The following UGT2A1 variants were observed in gnomAD, a reference collection of about 807,000 sequenced individuals.
UGT2A1 encodes UDP glucuronosyltransferase family 2 member A1 complex locus.
In UGT2A1, 61 loss-of-function variants were observed where a neutral mutation model predicts 45.4. The ratio of observed to expected loss-of-function variants is 1.34; its 90% CI spans 1.09 to 1.66. The LOEUF is 1.66. UGT2A1 is among the 40% of genes most tolerant of loss of function. The pLI is 0.00. For synonymous variants in UGT2A1, 229 were observed against 196.2 expected, an observed-to-expected ratio of 1.17 and a Z score of -1.40; for missense variants, 649 against 574.3, an observed-to-expected ratio of 1.13 and a Z score of -1.33.
At chr4:69,596,515 G>T in intron 4 of UGT2A1, 1 of 1,250,324 alleles carries the variant, frequency 8.0e-7, no homozygotes, top group Non-Finnish European at 1.0e-6. Context: ...CTGACATGTA[G>T]AAAGATCTAG....
chr4:69,616,487 C>T (rs1720392253), intron 3 of UGT2A1, among the ~76,000 whole-genome samples: 1 of 151,802 alleles, frequency 6.6e-6, no homozygotes, highest in Non-Finnish European at 1.5e-5. Flanking sequence ...GTCACATTTC[C>T]TGTAAATCGA....
At chr4:69,607,525 T>C (rs1256513694) in intron 3 of UGT2A1, among the ~76,000 whole-genome samples, 12 of 151,824 alleles carry the variant, frequency 7.9e-5, no homozygotes, top group Non-Finnish European at 1.8e-4. Context: ...ACTTCATGTC[T>C]AAAACACCAA....
intron 2 of UGT2A1, chr4:69,639,386 A>G: frequency 6.2e-7 from 1 of 1,613,622 alleles, no homozygotes; most frequent in Non-Finnish European, 8.5e-7. Flanking sequence ...TCTTGTAGGA[A>G]ACAGGTATCA....
intron 3 of UGT2A1, among the ~76,000 whole-genome samples, chr4:69,612,279 A>T (rs908526798): frequency 2.0e-5 from 3 of 152,090 alleles, no homozygotes; most frequent in African/African-American, 7.2e-5. Flanking sequence ...GAGTTGGAAG[A>T]TAGCTCATGA....
chr4:69,620,739 C>T (rs1720702497), intron 3 of UGT2A1, among the ~76,000 whole-genome samples: 1 of 149,856 alleles, frequency 6.7e-6, no homozygotes, highest in Non-Finnish European at 1.5e-5. Context: ...CAACTTTAAA[C>T]TATACTACAG....
chr4:69,649,232 C>T (rs1722413217), intron 1 of UGT2A1, among the ~76,000 whole-genome samples: 2 of 152,056 alleles, frequency 1.3e-5, no homozygotes, highest in South Asian at 4.1e-4. Flanking sequence ...TTCATTAAAA[C>T]AATTACTTTT....
rs1324368610 is a variant in UGT2A1 at position 69,595,145 on chromosome 4, T to C, written c.1084+17A>G. On this transcript the variant is annotated intron_variant, in intron 5 of 6. Transcript: ENST00000286604. ...CTATTGTCCCACTGTACAGCTTTTC[T>C]TTCCCCACAGTCTTACCAAGAAGAT... 1 of 1,613,770 alleles carries C rather than the reference T, an allele frequency of 6.2e-7. No homozygotes were observed. The highest frequency in any genetic ancestry group is 2.2e-5 in the East Asian group (1 of 44,794).
chr4:69,646,875 C>T, intron 2 of UGT2A1, 55 bp downstream of exon 2: 1 of 1,274,798 alleles, frequency 7.8e-7, no homozygotes. Flanking sequence ...AGAAGAGGCT[C>T]TACAAAGGTC....
rs140996122 is a variant in UGT2A1, at chr4:69,613,090, A to G, written c.848-13696T>C. Among the ~76,000 whole-genome samples the G allele has an allele frequency of 4.0e-3, 614 of 152,038 alleles. 8 individuals are homozygous for G. Among genetic ancestry groups the G allele is most frequent in the African/African-American group, 0.012 (506 of 41,546 alleles). ...GGCAAAAGACATGAATAGACACTTC[A>G]CAAAAGAAGACATACAATCAACCTG... On this transcript the variant is annotated intron_variant, in intron 3 of 6. Coordinates refer to ENST00000286604, the MANE Select transcript of UGT2A1 (RefSeq NM_001252275.3).
intron 4 of UGT2A1, 63 bp from the exon 5 acceptor site, chr4:69,595,312 G>T: frequency 2.5e-6 from 4 of 1,570,290 alleles, no homozygotes; most frequent in Non-Finnish European, 3.5e-6. Flanking sequence ...TAAGTTGGGA[G>T]AATTATTTAG....
chr4:69,626,968 T>C (rs1381905200), intron 3 of UGT2A1, among the ~76,000 whole-genome samples: 1 of 151,852 alleles, frequency 6.6e-6, no homozygotes, highest in Non-Finnish European at 1.5e-5. Context: ...CTGTTTTCGC[T>C]GCCTCAAACT....
intron 3 of UGT2A1, among the ~76,000 whole-genome samples, chr4:69,623,668 T>C (rs1720881231): frequency 6.6e-6 from 1 of 151,428 alleles, no homozygotes; most frequent in Admixed American, 6.6e-5. Flanking sequence ...TAAAAAATTC[T>C]ATAGTAATAT....
intron 2 of UGT2A1, chr4:69,638,774 C>G: frequency 8.2e-7 from 1 of 1,213,164 alleles, no homozygotes; most frequent in East Asian, 2.6e-5. Flanking sequence ...ATTGTTTGTA[C>G]AGAGATATAA....
chr4:69,637,955 GA>G (rs1409632094), intron 2 of UGT2A1, among the ~76,000 whole-genome samples: 14 of 147,672 alleles, frequency 9.5e-5, no homozygotes, highest in South Asian at 2.2e-4. Flanking sequence ...AAGAAGGAAG[GA>G]AAAAAAGGAA....
chr4:69,595,163 A>G lies in UGT2A1; in HGVS notation c.1083T>C (p.Leu361=), dbSNP rs1306344909. ...GCTTTTCTTTCCCCACAGTCTTACC[A>G]AGAAGATCATTCTGGGGTATCCAAT... is the stretch of plus-strand genomic sequence containing the variant. ...LFDWIPQNDL[L]GHPKTKAFIT... The change falls in exon 5 of 7, where the codon CTT becomes CTC. Residue 361 remains leucine (L), a splice_region_variant and synonymous_variant. Transcript: ENST00000286604. 1.2e-6 allele frequency: 2 copies of G among 1,613,718 alleles called. No individual in the cohort carries two copies. Among genetic ancestry groups the G allele is most frequent in the Non-Finnish European group, 1.7e-6 (2 of 1,179,860 alleles).
intron 3 of UGT2A1, among the ~76,000 whole-genome samples, chr4:69,611,103 A>T (rs936749159): frequency 7.5e-6 from 1 of 133,046 alleles, no homozygotes; most frequent in African/African-American, 3.0e-5. Context: ...AATAAATGTT[A>T]TCAGTGAAGT....
At chr4:69,653,103 AT>A (rs1416742148) in intron 1 of UGT2A1, 84 bp downstream of exon 1, 4 of 152,200 alleles carry the variant, frequency 2.6e-5, no homozygotes, top group Non-Finnish European at 4.4e-5. Flanking sequence ...CGTTTTAAAG[AT>A]TGATATTTCT....
chr4:69,641,260 A>G (rs1177382073), intron 2 of UGT2A1, among the ~76,000 whole-genome samples: 2 of 151,966 alleles, frequency 1.3e-5, no homozygotes, highest in East Asian at 3.8e-4. Flanking sequence ...TTTAGTGAAG[A>G]ACAATAAAAT....
chr4:69,631,916 G>T (rs553341633), intron 3 of UGT2A1, among the ~76,000 whole-genome samples: 29 of 152,074 alleles, frequency 1.9e-4, no homozygotes, highest in African/African-American at 6.5e-4. Flanking sequence ...GTCAAGAAAA[G>T]ACAGAAAATA....
Sources: gnomAD v4.1 joint callset for allele counts (sites outside exome capture counted in the v4.1 genomes callset) on GRCh38, gnomAD v4.1.1 for gene constraint, MANE v1.5 for transcripts, NCBI Gene and HGNC (gene_info 2026-07-23, HGNC 2026-07-21) for gene names.